Variants in NEK3 observed in about 807,000 individuals in gnomAD.
The protein encoded by NEK3 is NIMA related kinase 3, also known as serine/threonine-protein kinase Nek3.
Under a neutral mutation model 66.0 loss-of-function variants are expected in NEK3, and 54 were observed. The observed-to-expected ratio is 0.82, with a 90% CI of 0.66 to 1.03. The LOEUF is 1.03. NEK3 is among the 50% of genes least tolerant of loss of function. The pLI is 0.00. For synonymous variants in NEK3, 200 were observed against 206.2 expected, an observed-to-expected ratio of 0.97 and a Z score of 0.26; for missense variants, 593 against 603.0, an observed-to-expected ratio of 0.98 and a Z score of 0.17.
intron 12 of NEK3, 60 bp from the exon 13 acceptor site, chr13:52,136,319 C>T: frequency 6.5e-7 from 1 of 1,527,058 alleles, no homozygotes; most frequent in Non-Finnish European, 9.0e-7. Flanking sequence ...CCATCTCTGT[C>T]CACACATAGA....
Position 52,152,704 on chromosome 13 carries a change from AGGTAT to A in NEK3, c.310-17_310-13del. Reference sequence around the variant, plus strand: ...AACCAATTAAGTATCTGTAAGAAAAAGGTATGCAAAATCTTCAAGAATGCAGTAAC... The same window carrying A: ...AACCAATTAAGTATCTGTAAGAAAAAGCAAAATCTTCAAGAATGCAGTAAC... On this transcript the variant is annotated splice_polypyrimidine_tract_variant and intron_variant, in intron 4 of 15. Transcript: ENST00000610828. The A allele has an allele frequency of 1.3e-6, 2 of 1,574,884 alleles. No individual in the cohort carries two copies. Among genetic ancestry groups the A allele is most frequent in the Non-Finnish European group, 1.7e-6 (2 of 1,148,354 alleles).
chr13:52,152,792 T>G (rs1003175017), intron 4 of NEK3, 100 bp from the exon 5 acceptor site: 189 of 701,086 alleles, frequency 2.7e-4, no homozygotes, highest in Middle Eastern at 6.3e-4. Flanking sequence ...TCAACCGGGA[T>G]TTTACGTAAT....
chr13:52,147,276 T>A (rs1956302589), intron 8 of NEK3, among the ~76,000 whole-genome samples: 1 of 152,072 alleles, frequency 6.6e-6, no homozygotes, highest in South Asian at 2.1e-4. Context: ...CTGCTAAATG[T>A]AAACCTCAAA....
chr13:52,158,013 G>C (rs1315630791), intron 1 of NEK3, among the ~76,000 whole-genome samples: 1 of 152,204 alleles, frequency 6.6e-6, no homozygotes, highest in Non-Finnish European at 1.5e-5. Context: ...GAGTAGCTGG[G>C]ATTACAGGCA....
intron 1 of NEK3, among the ~76,000 whole-genome samples, chr13:52,158,886 C>T (rs1324807614): frequency 6.6e-6 from 1 of 152,180 alleles, no homozygotes; most frequent in Non-Finnish European, 1.5e-5. Context: ...GCTAAGTTTT[C>T]ACCGTGTTGT....
At chr13:52,145,403 A>G (rs1956285965) in intron 8 of NEK3, among the ~76,000 whole-genome samples, 1 of 152,164 alleles carries the variant, frequency 6.6e-6, no homozygotes, top group Non-Finnish European at 1.5e-5. Context: ...TCCTGGGCTC[A>G]AGCGATCCTC....
intron 10 of NEK3, among the ~76,000 whole-genome samples, chr13:52,143,373 G>A (rs1956267189): frequency 6.6e-6 from 1 of 150,584 alleles, no homozygotes; most frequent in African/African-American, 2.4e-5. Context: ...TGAATACGGA[G>A]AGTCCCATAT....
chr13:52,144,619 A>G (rs762406890), intron 9 of NEK3, 72 bp downstream of exon 9: 4 of 1,191,696 alleles, frequency 3.4e-6, no homozygotes, highest in Non-Finnish European at 4.9e-6. Flanking sequence ...GTAATGTATA[A>G]TGTTAAAAGA....
intron 10 of NEK3, among the ~76,000 whole-genome samples, chr13:52,143,350 C>A (rs1030341651): frequency 6.6e-6 from 1 of 151,718 alleles, no homozygotes; most frequent in Non-Finnish European, 1.5e-5. Context: ...AGGTTCACAG[C>A]AAAACTGAGT....
chr13:52,141,172 A>G (rs1956247690), intron 10 of NEK3, 103 bp from the exon 11 acceptor site: 4 of 1,031,098 alleles, frequency 3.9e-6, no homozygotes, highest in Non-Finnish European at 5.5e-6. Flanking sequence ...GAGTGAGGTT[A>G]TTAAAGTCAA....
chr13:52,135,499 T>A (rs1594020552), intron 14 of NEK3, among the ~76,000 whole-genome samples: 3 of 152,198 alleles, frequency 2.0e-5, no homozygotes, highest in Admixed American at 6.5e-5. Context: ...CTTTATAACT[T>A]TGAAATCAAA....
At position 52,153,888 on chromosome 13, in the gene NEK3, C is replaced by T. The variant is rs1171042277; in HGVS notation, c.309+7G>A. 3 of 1,583,306 alleles carry T rather than the reference C, an allele frequency of 1.9e-6. No homozygotes were observed. Among genetic ancestry groups the T allele is most frequent in the Admixed American group, 1.7e-5 (1 of 59,888 alleles). ...CTTGAGAGAAACTATGTAAGTCAAT[C>T]TCTTACCATGTCTTCAGGAAATAAC... is the stretch of plus-strand genomic sequence containing the variant. On this transcript the variant is annotated splice_region_variant and intron_variant, in intron 4 of 15. Transcript: ENST00000610828.
rs145835935 is a variant in NEK3, at chr13:52,143,692, C to A, written c.877+223G>T. 1.7e-3 allele frequency among the ~76,000 whole-genome samples: 264 copies of A among 152,206 alleles called. 1 individual carries two copies. Among genetic ancestry groups the A allele is most frequent in the African/African-American group, 6.0e-3 (247 of 41,512 alleles). ...ACTAATAATGACAGCATAATCTTTC[C>A]GTCACTAAAATATCCAAAACTAGGC... On this transcript the variant is annotated intron_variant, in intron 10 of 15. Transcript: ENST00000610828.
intron 11 of NEK3, 100 bp downstream of exon 11, chr13:52,140,920 T>C (rs953071789): frequency 9.9e-6 from 9 of 909,456 alleles, no homozygotes; most frequent in Non-Finnish European, 1.5e-5. Context: ...GTTCACTTGA[T>C]TCTCCTGCCT....
chr13:52,153,870 G>A, intron 4 of NEK3, 25 bp downstream of exon 4: 4 of 1,523,000 alleles, frequency 2.6e-6, no homozygotes, highest in Non-Finnish European at 3.6e-6. Context: ...AACCTTGAGA[G>A]AAACTATGTA....
chr13:52,140,521 T>C (rs1041803463), intron 11 of NEK3, among the ~76,000 whole-genome samples: 4 of 151,990 alleles, frequency 2.6e-5, no homozygotes, highest in Admixed American at 6.5e-5. Flanking sequence ...GGCAGAAGAA[T>C]GGCATGAATC....
At chr13:52,155,235 G>A (rs1277954972) in intron 2 of NEK3, among the ~76,000 whole-genome samples, 1 of 152,094 alleles carries the variant, frequency 6.6e-6, no homozygotes, top group Admixed American at 6.6e-5. Flanking sequence ...AACTTTATTA[G>A]AATGTATTTT....
intron 10 of NEK3, among the ~76,000 whole-genome samples, chr13:52,142,431 C>T (rs1956259221): frequency 6.6e-6 from 1 of 152,072 alleles, no homozygotes; most frequent in African/African-American, 2.4e-5. Flanking sequence ...CACCTGCCAC[C>T]ACGCCCAGCT....
rs202024427 is a variant in NEK3, at chr13:52,133,647, C to A, written c.1436+42G>T. On this transcript the variant is annotated intron_variant, in intron 15 of 15. Coordinates refer to ENST00000610828, the MANE Select transcript of NEK3 (RefSeq NM_002498.3). ...CACACACACACACACACACACACACCCCCAACCCCAGCTACAGCTTTCTAT... is the reference window on the plus strand; with the variant it reads ...CACACACACACACACACACACACACACCCAACCCCAGCTACAGCTTTCTAT... The A allele has an allele frequency of 8.9e-4, 956 of 1,069,918 alleles. 1 individual carries two copies. The highest frequency in any genetic ancestry group is 5.9e-3 in the African/African-American group (365 of 61,462). 66.3% of individuals were successfully genotyped at this position (1,069,918 alleles called of 1,614,324 possible).
Sources: gnomAD v4.1 joint callset for allele counts (sites outside exome capture counted in the v4.1 genomes callset) on GRCh38, gnomAD v4.1.1 for gene constraint, MANE v1.5 for transcripts, NCBI Gene and HGNC (gene_info 2026-07-23, HGNC 2026-07-21) for gene names.